Variants in ZNF385D observed in about 807,000 individuals in gnomAD.
ZNF385D encodes zinc finger protein 385D.
ZNF385D carries 15 observed loss-of-function variants against 35.8 expected under a neutral mutation model. The ratio of observed to expected loss-of-function variants is 0.42; its 90% confidence interval spans 0.28 to 0.64. The LOEUF (loss-of-function observed/expected upper bound fraction) is 0.64. Ranked by LOEUF, ZNF385D falls within the 30% of genes least tolerant of loss-of-function variation. The pLI is 0.23. For synonymous variants in ZNF385D, 212 were observed against 186.8 expected (o/e 1.13, Z -1.10); for missense variants, 474 against 494.6 (o/e 0.96, Z 0.39).
chr3:21,772,273 C>G (rs573786394), intron 3 of ZNF385D, among the ~76,000 whole-genome samples: 5 of 151,862 alleles, frequency 3.3e-5, no homozygotes, highest in Non-Finnish European at 7.4e-5. Context: ...AAGATACTAT[C>G]AGCAGAGTAG....
chr3:22,138,698 T>A (rs1186452310), intron 3 of ZNF385D, among the ~76,000 whole-genome samples: 1 of 152,024 alleles, frequency 6.6e-6, no homozygotes. Flanking sequence ...ATGTTAGACC[T>A]AAAACCATAA....
intron 2 of ZNF385D, among the ~76,000 whole-genome samples, chr3:21,620,870 C>T (rs1189247246): frequency 6.6e-6 from 1 of 152,150 alleles, no homozygotes; most frequent in Non-Finnish European, 1.5e-5. Context: ...ATGCAAACCA[C>T]TAATGCTGTG....
intron 3 of ZNF385D, among the ~76,000 whole-genome samples, chr3:21,982,632 T>C (rs1236500771): frequency 3.9e-5 from 6 of 152,096 alleles, no homozygotes; most frequent in Non-Finnish European, 8.8e-5. Flanking sequence ...TGAACAAAAG[T>C]GGTGACAGAC....
intron 3 of ZNF385D, among the ~76,000 whole-genome samples, chr3:22,168,040 T>A (rs924464227): frequency 1.3e-5 from 2 of 152,208 alleles, no homozygotes; most frequent in Non-Finnish European, 2.9e-5. Context: ...ATGTCAAATA[T>A]AGGAAGAGAT....
At chr3:21,737,350 A>C (rs1575563430) in intron 1 of ZNF385D, among the ~76,000 whole-genome samples, 1 of 152,234 alleles carries the variant, frequency 6.6e-6, no homozygotes, top group African/African-American at 2.4e-5. Flanking sequence ...ATCATTAGAT[A>C]CCATGTAGCC....
rs1050840719 is a variant in ZNF385D at position 22,007,331 on chromosome 3, T to A, written c.325+161486A>T. Among the ~76,000 whole-genome samples the A allele has an allele frequency of 3.3e-5, 5 of 152,234 alleles. No homozygotes were observed. The East Asian group carries it at 9.6e-4, about 29-fold the overall frequency. On this transcript the variant is annotated intron_variant, in intron 3 of 5. Transcript: ENST00000494108. ...TGTTCATAAAGATCTCATACATTCT[T>A]TTTAACATTGGAATAACAGTCTTGC...
chr3:21,902,827 C>G (rs1319650019), intron 3 of ZNF385D, among the ~76,000 whole-genome samples: 1 of 151,980 alleles, frequency 6.6e-6, no homozygotes, highest in Non-Finnish European at 1.5e-5. Context: ...GTACATGTAC[C>G]CTAAAACTTA....
At chr3:22,089,765 A>T (rs144429359) in intron 3 of ZNF385D, among the ~76,000 whole-genome samples, 2 of 152,228 alleles carry the variant, frequency 1.3e-5, no homozygotes, top group African/African-American at 4.8e-5. Context: ...TGCTGTTCTT[A>T]TATTTTTAGA....
chr3:21,899,112 C>A (rs1177334135), intron 3 of ZNF385D, among the ~76,000 whole-genome samples: 2 of 152,036 alleles, frequency 1.3e-5, no homozygotes, highest in Non-Finnish European at 1.5e-5. Context: ...TGGAGATATT[C>A]CTGGCTGTCA....
intron 3 of ZNF385D, among the ~76,000 whole-genome samples, chr3:21,787,273 G>C (rs1416533411): frequency 1.3e-5 from 2 of 152,090 alleles, no homozygotes; most frequent in South Asian, 2.1e-4. Flanking sequence ...TGCAAACAGA[G>C]AGCATACCTC....
chr3:21,517,739 T>C (rs1707671986), intron 3 of ZNF385D, among the ~76,000 whole-genome samples: 1 of 152,194 alleles, frequency 6.6e-6, no homozygotes. Context: ...CAGTATGCAT[T>C]CTAATTACTC....
chr3:22,208,235 C>T (rs1159226604), intron 2 of ZNF385D, among the ~76,000 whole-genome samples: 1 of 151,856 alleles, frequency 6.6e-6, no homozygotes, highest in Non-Finnish European at 1.5e-5. Flanking sequence ...GCTACATATA[C>T]ACAATGGAGA....
At position 22,111,163 on chromosome 3, in the gene ZNF385D, T is replaced by G. The variant is rs533462512; in HGVS notation, c.325+57654A>C. Among the ~76,000 whole-genome samples, 10 of 88,800 alleles carry G rather than the reference T, an allele frequency of 1.1e-4. No homozygotes were observed. The South Asian group carries it at 2.4e-3, about 21-fold the overall frequency. 58.3% of individuals were successfully genotyped at this position (88,800 alleles called of 152,430 possible). On this transcript the variant is annotated intron_variant, in intron 3 of 5. Coordinates refer to the ZNF385D transcript ENST00000494108. ...AGGCTCCATGTTGGATTTTTTTTTT[T>G]TTTTTTTTTTTTTGTTTTTTTTGTA...
intron 2 of ZNF385D, among the ~76,000 whole-genome samples, chr3:22,313,037 G>T (rs2125431519): frequency 6.6e-6 from 1 of 151,978 alleles, no homozygotes; most frequent in South Asian, 2.1e-4. Context: ...AAGAAAATGT[G>T]GCACATATAT....
In ZNF385D at chr3:22,002,662, C is replaced by T. The variant is rs117458530; in HGVS notation, c.325+166155G>A. On this transcript the variant is annotated intron_variant, in intron 3 of 5. Coordinates refer to the ZNF385D transcript ENST00000494108. ...CCCTCAAATTCTGCACATCAATATC[C>T]TTAATGAACACAGACACAAAAATCT... Among the ~76,000 whole-genome samples the T allele has an allele frequency of 4.2e-4, 64 of 152,206 alleles. 1 individual carries two copies. In the East Asian group the frequency reaches 0.012, roughly 28 times the overall value.
chr3:21,853,107 C>G (rs998774763), intron 3 of ZNF385D, among the ~76,000 whole-genome samples: 8 of 151,570 alleles, frequency 5.3e-5, no homozygotes, highest in Non-Finnish European at 1.0e-4. Context: ...AGTGTGTGAT[C>G]AAACTAAACA....
chr3:22,031,353 G>T (rs557612979), intron 3 of ZNF385D, among the ~76,000 whole-genome samples: 1 of 152,052 alleles, frequency 6.6e-6, no homozygotes, highest in East Asian at 2.0e-4. Context: ...CTTCTGTCTG[G>T]ACATCCAGGT....
At chr3:21,500,344 T>C (rs1706267643) in intron 4 of ZNF385D, among the ~76,000 whole-genome samples, 2 of 152,190 alleles carry the variant, frequency 1.3e-5, no homozygotes, top group Admixed American at 1.3e-4. Context: ...AATGTAAAAC[T>C]GTGCTAGTTG....
intron 2 of ZNF385D, among the ~76,000 whole-genome samples, chr3:22,195,591 G>T (rs1468983064): frequency 2.6e-5 from 4 of 151,966 alleles, no homozygotes; most frequent in Non-Finnish European, 4.4e-5. Context: ...CATTACGAGT[G>T]ACTTACAGGT....
Sources: allele counts gnomAD v4.1 joint callset (sites outside exome capture counted in the v4.1 genomes callset), GRCh38; gene constraint gnomAD v4.1.1; transcripts MANE v1.5; gene names NCBI Gene and HGNC (gene_info 2026-07-23, HGNC 2026-07-21).